The following SHISA9 variants were observed in gnomAD, a reference collection of about 807,000 sequenced individuals.
The protein encoded by SHISA9 is shisa family member 9.
In SHISA9, 13 loss-of-function variants were observed where a neutral mutation model predicts 38.0. The ratio of observed to expected loss-of-function variants is 0.34; its 90% CI spans 0.22 to 0.54. SHISA9 has a LOEUF of 0.54. Ranked by LOEUF, SHISA9 falls within the 20% of genes least tolerant of loss-of-function variation. The pLI is 0.91. For missense variants in SHISA9, 538 were observed against 575.8 expected, an observed-to-expected ratio of 0.93 and a Z score of 0.67; for synonymous variants, 275 against 242.0, an observed-to-expected ratio of 1.14 and a Z score of -1.27.
chr16:12,970,467 G>A lies in SHISA9; in HGVS notation c.691+53652G>A, dbSNP rs1432329943. 6.3e-3 allele frequency among the ~76,000 whole-genome samples: 149 copies of A among 23,586 alleles called. 7 individuals are homozygous for A. The highest frequency in any genetic ancestry group is 0.027 in the African/African-American group (138 of 5,124). The allele number at this position is 23,586 out of a possible 152,430, so 15.5% of individuals were successfully genotyped here. On this transcript the variant is annotated intron_variant, in intron 2 of 4. Transcript: ENST00000558583. ...CACATATATATATACATATATGTGT[G>A]TGTATATATATATATATATATATAT... is the stretch of plus-strand genomic sequence containing the variant.
downstream of SHISA9, among the ~76,000 whole-genome samples, chr16:13,241,053 G>A (rs1042743902): frequency 6.6e-6 from 1 of 152,216 alleles, no homozygotes; most frequent in Non-Finnish European, 1.5e-5. Flanking sequence ...AACTTTGGGA[G>A]ACAGTGTTGA....
intron 2 of SHISA9, among the ~76,000 whole-genome samples, chr16:13,033,975 A>G (rs530070498): frequency 6.6e-6 from 1 of 152,166 alleles, no homozygotes; most frequent in African/African-American, 2.4e-5. Context: ...GCAAAACCCC[A>G]TCTCTACTAA....
At chr16:12,970,324 TAC>T (rs1567356701) in intron 2 of SHISA9, among the ~76,000 whole-genome samples, 213 of 75,040 alleles carry the variant, frequency 2.8e-3, no homozygotes, top group African/African-American at 0.012. Context: ...GGGGTATATA[TAC>T]ATATATATAT....
At chr16:13,234,386 T>A (rs1246131247) in intron 4 of SHISA9, among the ~76,000 whole-genome samples, 1 of 152,228 alleles carries the variant, frequency 6.6e-6, no homozygotes, top group Non-Finnish European at 1.5e-5. Flanking sequence ...TGAAGTATAC[T>A]TTTTTATTGT....
At chr16:13,007,496 G>A (rs1223566341) in intron 2 of SHISA9, among the ~76,000 whole-genome samples, 2 of 152,064 alleles carry the variant, frequency 1.3e-5, no homozygotes, top group African/African-American at 4.8e-5. Flanking sequence ...TCTATCCACT[G>A]CAACTTATCT....
the SHISA9 span, among the ~76,000 whole-genome samples, chr16:13,390,610 A>C: frequency 1.3e-5 from 2 of 152,060 alleles, no homozygotes; most frequent in African/African-American, 4.8e-5. Flanking sequence ...TAGGCTTGAA[A>C]TCACCTCCTG....
chr16:13,509,272 C>CAA, the SHISA9 span, among the ~76,000 whole-genome samples: 163 of 146,328 alleles, frequency 1.1e-3, no homozygotes, highest in East Asian at 3.4e-3. Context: ...GTCAGAAATG[C>CAA]AAAAAAAAAA....
chr16:13,263,887 CT>C, the SHISA9 span, among the ~76,000 whole-genome samples: 1 of 151,972 alleles, frequency 6.6e-6, no homozygotes, highest in Non-Finnish European at 1.5e-5. Flanking sequence ...AATAAAATGT[CT>C]TTCAAAATCT....
At chr16:13,070,266 C>G (rs1268565305) in intron 2 of SHISA9, among the ~76,000 whole-genome samples, 1 of 152,080 alleles carries the variant, frequency 6.6e-6, no homozygotes. Context: ...CTCTGTCCCC[C>G]GGACTCTGCC....
the SHISA9 span, among the ~76,000 whole-genome samples, chr16:13,448,872 T>C: frequency 6.6e-6 from 1 of 152,136 alleles, no homozygotes; most frequent in Non-Finnish European, 1.5e-5. Context: ...GTGATAAGAG[T>C]GTAAATCTAT....
chr16:13,104,728 G>A (rs2073909879), intron 2 of SHISA9, among the ~76,000 whole-genome samples: 1 of 152,154 alleles, frequency 6.6e-6, no homozygotes, highest in Admixed American at 6.5e-5. Context: ...AAATGATCAT[G>A]GGGACGTTTT....
chr16:12,924,812 G>A (rs182877392), intron 2 of SHISA9, among the ~76,000 whole-genome samples: 2 of 152,264 alleles, frequency 1.3e-5, no homozygotes, highest in Admixed American at 6.5e-5. Flanking sequence ...GACTTGAGGG[G>A]TAGACAACCA....
intron 2 of SHISA9, among the ~76,000 whole-genome samples, chr16:13,065,429 A>G (rs2073422838): frequency 6.6e-6 from 1 of 152,252 alleles, no homozygotes; most frequent in African/African-American, 2.4e-5. Context: ...AGAAGAAAAC[A>G]GAATTCAAGG....
At chr16:13,105,899 AG>A (rs1187403287) in intron 2 of SHISA9, among the ~76,000 whole-genome samples, 2 of 152,178 alleles carry the variant, frequency 1.3e-5, no homozygotes, top group Non-Finnish European at 2.9e-5. Context: ...TGGCACTTGA[AG>A]TCTTCATCAT....
At chr16:13,379,561 C>G in the SHISA9 span, among the ~76,000 whole-genome samples, 28 of 152,210 alleles carry the variant, frequency 1.8e-4, no homozygotes, top group African/African-American at 6.5e-4. Context: ...ATGACATTAG[C>G]TGCCAACTAT....
At chr16:13,293,164 G>A in the SHISA9 span, among the ~76,000 whole-genome samples, 2 of 152,044 alleles carry the variant, frequency 1.3e-5, no homozygotes, top group Non-Finnish European at 2.9e-5. Flanking sequence ...GACAAATTCA[G>A]AACAAGTTAT....
chr16:13,028,193 A>C (rs931983435), intron 2 of SHISA9, among the ~76,000 whole-genome samples: 1 of 152,160 alleles, frequency 6.6e-6, no homozygotes, highest in Non-Finnish European at 1.5e-5. Context: ...ACATGGGTAC[A>C]TTTTAGTGAA....
rs570282783 is a variant in SHISA9 at position 13,178,987 on chromosome 16, A to T, written c.692-24407A>T. ...CTATCTCAAAATCATTGAGTTGTTG[A>T]TGTCTAAGGCTTTGAGTAACCACTT... On this transcript the variant is annotated intron_variant, in intron 2 of 4. Transcript: ENST00000558583. Among the ~76,000 whole-genome samples the T allele has an allele frequency of 3.3e-5, 5 of 152,256 alleles. No individual in the cohort carries two copies. In the South Asian group the frequency reaches 8.3e-4, roughly 25 times the overall value.
intron 1 of SHISA9, among the ~76,000 whole-genome samples, chr16:12,908,227 C>A (rs1360392382): frequency 6.6e-6 from 1 of 152,078 alleles, no homozygotes; most frequent in Non-Finnish European, 1.5e-5. Context: ...GGTTACTAAC[C>A]CTTGCTCTGC....
Sources: gnomAD v4.1 joint callset for allele counts (sites outside exome capture counted in the v4.1 genomes callset) on GRCh38, gnomAD v4.1.1 for gene constraint, MANE v1.5 for transcripts, NCBI Gene and HGNC (gene_info 2026-07-23, HGNC 2026-07-21) for gene names.